The following OCA2 variants were observed in gnomAD, a reference collection of about 807,000 sequenced individuals.
The protein encoded by OCA2 is OCA2 melanosomal transmembrane protein.
OCA2 carries 77 observed loss-of-function variants against 100.2 expected under a neutral mutation model. The ratio of observed to expected loss-of-function variants is 0.77; its 90% CI spans 0.64 to 0.93. OCA2 has a LOEUF of 0.93. Among genes scored for constraint, OCA2 ranks in the 40% least tolerant of loss-of-function variants. OCA2 has a pLI of 0.00. For missense variants in OCA2, 1,062 were observed against 1,089.1 expected (o/e 0.98, Z 0.35); for synonymous variants, 432 against 439.2 (o/e 0.98, Z 0.21).
At chr15:27,831,561 G>A (rs1401979136) in intron 23 of OCA2, among the ~76,000 whole-genome samples, 5 of 152,200 alleles carry the variant, frequency 3.3e-5, no homozygotes, top group African/African-American at 7.2e-5. Flanking sequence ...CCTAGGCACT[G>A]GGCTAGATTC....
At chr15:27,913,301 T>C (rs2044625) in intron 19 of OCA2, among the ~76,000 whole-genome samples, 8,216 of 152,140 alleles carry the variant, frequency 0.054, 762 homozygotes, top group African/African-American at 0.19. Flanking sequence ...TCTATACTTT[T>C]TTACGATATT....
intron 18 of OCA2, among the ~76,000 whole-genome samples, chr15:27,940,120 T>C (rs143234482): frequency 3.3e-5 from 5 of 152,326 alleles, no homozygotes; most frequent in Non-Finnish European, 5.9e-5. Context: ...AGAATGCATT[T>C]CTGATTGATA....
chr15:27,799,200 G>A (rs992203300), intron 23 of OCA2, among the ~76,000 whole-genome samples: 1 of 152,166 alleles, frequency 6.6e-6, no homozygotes, highest in Admixed American at 6.5e-5. Flanking sequence ...GCTGCCCCAC[G>A]GACATTATCC....
intron 23 of OCA2, among the ~76,000 whole-genome samples, chr15:27,774,851 A>T (rs1354464676): frequency 6.6e-6 from 1 of 152,142 alleles, no homozygotes; most frequent in Non-Finnish European, 1.5e-5. Flanking sequence ...AGGCCACGAG[A>T]GAGGCTCAGG....
At chr15:27,865,104 A>G (rs955151903) in intron 21 of OCA2, among the ~76,000 whole-genome samples, 10 of 151,972 alleles carry the variant, frequency 6.6e-5, no homozygotes, top group African/African-American at 2.2e-4. Context: ...ACGCAAATGT[A>G]GCAGAAACAA....
chr15:27,802,416 A>C (rs911767008), intron 23 of OCA2, among the ~76,000 whole-genome samples: 11 of 152,138 alleles, frequency 7.2e-5, no homozygotes, highest in South Asian at 6.2e-4. Flanking sequence ...TCCCAATAAA[A>C]TCACAGCAAG....
At chr15:28,059,243 T>C (rs890615493) in intron 2 of OCA2, among the ~76,000 whole-genome samples, 6 of 152,208 alleles carry the variant, frequency 3.9e-5, no homozygotes, top group African/African-American at 1.4e-4. Context: ...TGGTCTGCAT[T>C]TGGGGAACAT....
intron 23 of OCA2, among the ~76,000 whole-genome samples, chr15:27,801,175 T>A (rs1487965560): frequency 6.6e-6 from 1 of 152,230 alleles, no homozygotes; most frequent in South Asian, 2.1e-4. Context: ...ACCAAAGACA[T>A]TACAAGAAAA....
chr15:27,820,295 A>G (rs1312493561), intron 23 of OCA2, among the ~76,000 whole-genome samples: 1 of 152,184 alleles, frequency 6.6e-6, no homozygotes, highest in Non-Finnish European at 1.5e-5. Context: ...CCACCAGCAC[A>G]GTACAGAAGT....
the OCA2 span, among the ~76,000 whole-genome samples, chr15:27,745,555 C>T: frequency 6.6e-6 from 1 of 152,158 alleles, no homozygotes; most frequent in Non-Finnish European, 1.5e-5. Context: ...CTAGCCCTCA[C>T]CCAAGATGGA....
chr15:27,738,762 G>A, the OCA2 span, among the ~76,000 whole-genome samples: 5 of 151,708 alleles, frequency 3.3e-5, no homozygotes, highest in South Asian at 6.3e-4. Context: ...CTAACCTACG[G>A]AGCTAAAAAT....
At chr15:28,025,026 CATG>C in intron 4 of OCA2, 124 bp from the exon 5 acceptor site, 1 of 896,246 alleles carries the variant, frequency 1.1e-6, no homozygotes, top group East Asian at 2.6e-5. Flanking sequence ...CTTTCCATAA[CATG>C]ATATGAGGGA....
At chr15:27,822,860 G>A (rs28612097) in intron 23 of OCA2, among the ~76,000 whole-genome samples, 76,541 of 151,714 alleles carry the variant, frequency 0.5, 19,880 homozygotes, top group South Asian at 0.76. Flanking sequence ...GCCCTTAATG[G>A]TAACTTTTGA....
chr15:28,060,528 G>A (rs773986226), intron 2 of OCA2, among the ~76,000 whole-genome samples: 6 of 152,172 alleles, frequency 3.9e-5, no homozygotes, highest in Middle Eastern at 3.2e-3. Flanking sequence ...AAAGGAAGAC[G>A]AGGTAACAGC....
chr15:27,771,369 C>T (rs1460399757), intron 23 of OCA2, among the ~76,000 whole-genome samples: 1 of 146,948 alleles, frequency 6.8e-6, no homozygotes, highest in Middle Eastern at 3.5e-3. Context: ...CGAGAGGCCC[C>T]GGGGGAGAGA....
intron 2 of OCA2, among the ~76,000 whole-genome samples, chr15:28,046,039 C>G (rs2043337907): frequency 6.6e-6 from 1 of 152,260 alleles, no homozygotes; most frequent in South Asian, 2.1e-4. Context: ...GTGTCCCACC[C>G]CTTCTATTTC....
At chr15:27,950,609 G>T (rs1181467492) in intron 18 of OCA2, 1 of 503,080 alleles carries the variant, frequency 2.0e-6, no homozygotes, top group Non-Finnish European at 4.0e-6. Flanking sequence ...AAATGGAGGG[G>T]CTGCAAATAC....
chr15:28,024,910 A>G lies in OCA2; in HGVS notation c.516-8T>C. ...AGCCACTGCACACAGCGCCTGCAAG[A>G]GAAAAAGTAGGGCCTTAGTGGCAAG... On this transcript the variant is annotated splice_region_variant and splice_polypyrimidine_tract_variant and intron_variant, in intron 4 of 23. Transcript: ENST00000354638. 1 of 1,614,142 alleles carries G rather than the reference A, an allele frequency of 6.2e-7. No homozygotes were observed.
At chr15:27,983,649 C>A (rs1466628109) in intron 13 of OCA2, among the ~76,000 whole-genome samples, 166 bp from the exon 14 acceptor site, 1 of 152,164 alleles carries the variant, frequency 6.6e-6, no homozygotes, top group Non-Finnish European at 1.5e-5. Context: ...CTGCAACAAC[C>A]CCCGCAGGCC....
Sources: gnomAD v4.1 joint callset for allele counts (sites outside exome capture counted in the v4.1 genomes callset) on GRCh38, gnomAD v4.1.1 for gene constraint, MANE v1.5 for transcripts, NCBI Gene and HGNC (gene_info 2026-07-23, HGNC 2026-07-21) for gene names.